Variants in BCOR observed in about 807,000 individuals in gnomAD.
BCOR encodes BCL6 corepressor, also known as BCL-6 corepressor.
A neutral mutation model predicts 86.7 loss-of-function variants in BCOR; 10 were observed. That is an observed-to-expected ratio of 0.12 (90% confidence interval 0.07 to 0.20). BCOR has a LOEUF of 0.20. Ranked by LOEUF, BCOR falls within the 10% of genes least tolerant of loss-of-function variation. BCOR has a pLI of 1.00. For missense variants in BCOR, 1,259 were observed against 1,452.1 expected, an observed-to-expected ratio of 0.87 and a Z score of 2.16; for synonymous variants, 611 against 609.0, an observed-to-expected ratio of 1.00 and a Z score of -0.05.
chrX:40,135,898 T>C (rs1050288734), intron 1 of BCOR, among the ~76,000 whole-genome samples: 8 of 112,254 alleles, frequency 7.1e-5, no homozygotes, highest in African/African-American at 2.6e-4. Flanking sequence ...TATATGTGTT[T>C]GTATATATAA....
chrX:40,141,309 G>A (rs947560535), intron 1 of BCOR, among the ~76,000 whole-genome samples: 1 of 112,771 alleles, frequency 8.9e-6, no homozygotes, highest in Admixed American at 9.3e-5. Context: ...AGCGCTCCTT[G>A]GCCTCTTTGT....
rs759584655 is a variant in BCOR, at chrX:40,074,053, G to C, written c.1293C>G (p.Thr431=). 5.8e-6 allele frequency: 7 copies of C among 1,210,631 alleles called. No individual in the cohort carries two copies. In the Admixed American group the frequency reaches 1.5e-4, roughly 26 times the overall value. ...GSSPPLLEKQ[T]VTKDVTDKPL... ...GCTTATCTGTGACGTCTTTGGTAAC[G>C]GTCTGCTTCTCCAACAGAGGAGGTG... Residue 431 remains threonine (T), a synonymous_variant, in exon 4 of 15, where the codon ACC becomes ACG. Coordinates refer to ENST00000378444, the MANE Select transcript of BCOR (RefSeq NM_001123385.2).
upstream of BCOR, among the ~76,000 whole-genome samples, chrX:40,101,965 C>T (rs1364627793): frequency 9.0e-6 from 1 of 111,711 alleles, no homozygotes; most frequent in Non-Finnish European, 1.9e-5. Context: ...TACAAGAACT[C>T]TGGGCTTATC....
intron 6 of BCOR, among the ~76,000 whole-genome samples, chrX:40,068,568 C>G (rs1299739797): frequency 8.9e-6 from 1 of 112,407 alleles, no homozygotes; most frequent in East Asian, 2.8e-4. Flanking sequence ...CCAAGGGAGA[C>G]AGACACCCAA....
intron 1 of BCOR, among the ~76,000 whole-genome samples, chrX:40,131,300 G>T (rs1381937234): frequency 8.9e-6 from 1 of 112,290 alleles, no homozygotes; most frequent in East Asian, 2.8e-4. Context: ...GAGCTGGTCA[G>T]AATGAGAAGG....
intron 1 of BCOR, among the ~76,000 whole-genome samples, chrX:40,105,647 C>T (rs1937164986): frequency 1.8e-5 from 2 of 113,075 alleles, no homozygotes. Context: ...TGCTCCCAGG[C>T]CCTGCAGCTG....
At chrX:40,156,469 C>T (rs1411639756) in intron 1 of BCOR, among the ~76,000 whole-genome samples, 2 of 112,896 alleles carry the variant, frequency 1.8e-5, no homozygotes, top group African/African-American at 3.2e-5. Context: ...TTCCCCTGCC[C>T]GCCTGCACCG....
chrX:40,059,651 T>C (rs1934769901), intron 10 of BCOR, among the ~76,000 whole-genome samples: 1 of 112,882 alleles, frequency 8.9e-6, no homozygotes, highest in Non-Finnish European at 1.9e-5. Flanking sequence ...GAAATGGGAG[T>C]GTTTGAAGGG....
At position 40,052,373 on chromosome X, in the gene BCOR, A is replaced by T. The variant is rs945759455; in HGVS notation, c.5004T>A (p.Asp1668Glu). ...QGPRNWLLLS[D>E]VLKKLKMSSR... ...AGGACATTTTCAATTTCTTAAGGAC[A>T]TCCGAAAGCAGTAGCCAGTTTCGTG... Residue 1668 changes from aspartate (D) to glutamate (E), a missense_variant, in exon 15 of 15, where the codon GAT becomes GAA. Asp to Glu is a conservative substitution (Grantham distance 45). Transcript: ENST00000378444. 2 of 1,210,609 alleles carry T rather than the reference A, an allele frequency of 1.7e-6. No homozygotes were observed. Among genetic ancestry groups the T allele is most frequent in the Admixed American group, 2.2e-5 (1 of 45,941 alleles).
chrX:40,140,672 C>T (rs1441861500), intron 1 of BCOR, among the ~76,000 whole-genome samples: 6 of 112,516 alleles, frequency 5.3e-5, no homozygotes, highest in Non-Finnish European at 1.1e-4. Context: ...CCAACAGCCA[C>T]AAGCACAGTG....
chrX:40,062,210 C>G lies in BCOR; in HGVS notation c.4357G>C (p.Ala1453Pro), dbSNP rs1934914718. Residue 1453 changes from alanine to proline, a missense_variant, in exon 10 of 15, where the codon GCA (alanine) becomes CCA (proline). Physicochemically the swap from Ala to Pro is conservative, Grantham distance 27. Transcript: ENST00000378444. ...TTCTTATTGACAATAAGTCTCCGTG[C>G]TTCCGGCGGCATAGGGCGAGACTGG... ...TTQSRPMPPE[A>P]RRLIVNKNAG... The G allele has an allele frequency of 8.3e-7, 1 of 1,208,066 alleles. No homozygotes were observed. The highest frequency in any genetic ancestry group is 2.2e-5 in the Admixed American group (1 of 45,626).
chrX:40,153,798 C>T (rs989137831), intron 1 of BCOR, among the ~76,000 whole-genome samples: 5 of 112,701 alleles, frequency 4.4e-5, no homozygotes, highest in Non-Finnish European at 7.5e-5. Context: ...CCCGCGCGGC[C>T]GGAGGCTCGG....
intron 1 of BCOR, among the ~76,000 whole-genome samples, chrX:40,088,996 CAA>C (rs1208041752): frequency 8.9e-6 from 1 of 111,771 alleles, no homozygotes; most frequent in Non-Finnish European, 1.9e-5. Flanking sequence ...AGGCAGAATG[CAA>C]ACTACGGTAA....
At chrX:40,096,205 C>A (rs1936859186) in intron 1 of BCOR, among the ~76,000 whole-genome samples, 1 of 112,270 alleles carries the variant, frequency 8.9e-6, no homozygotes, top group African/African-American at 3.2e-5. Flanking sequence ...GACCAACTTC[C>A]TCCGGCCGCA....
At position 40,062,299 on chromosome X, in the gene BCOR, T is replaced by C. The variant is rs1485916551; in HGVS notation, c.4268A>G (p.Gln1423Arg). The change falls in exon 10 of 15, where the codon CAG (glutamine) becomes CGG (arginine). Residue 1423 changes from glutamine to arginine, a missense_variant. Transcript: ENST00000378444. ...KQEPKPFDRL[Q>R]QLLPASQSTQ... ...GGACTGGGAGGCTGGTAGCAGTTGCTGCAAGCGGTCGAAGGGCTTTGGCTC... is the reference window on the plus strand; with the variant it reads ...GGACTGGGAGGCTGGTAGCAGTTGCCGCAAGCGGTCGAAGGGCTTTGGCTC... The C allele has an allele frequency of 3.3e-6, 4 of 1,208,176 alleles. No individual in the cohort carries two copies. The highest frequency in any genetic ancestry group is 1.1e-6 in the Non-Finnish European group (1 of 894,545).
chrX:40,077,033 C>G (rs963506369), intron 2 of BCOR: 5 of 259,337 alleles, frequency 1.9e-5, no homozygotes, highest in African/African-American at 1.4e-4. Context: ...GGGACCATGT[C>G]CTACGAAACT....
chrX:40,158,296 T>A, intron 1 of BCOR, among the ~76,000 whole-genome samples: 1 of 112,106 alleles, frequency 8.9e-6, no homozygotes, highest in Middle Eastern at 4.7e-3. Context: ...CTGTCGCCGC[T>A]TCTCCCCCGG....
At chrX:40,129,704 C>G (rs1169884523) in intron 1 of BCOR, among the ~76,000 whole-genome samples, 1 of 99,942 alleles carries the variant, frequency 1.0e-5, no homozygotes, top group East Asian at 2.9e-4. Flanking sequence ...AGCTGTTTCA[C>G]TGTCCTTTCC....
chrX:40,164,947 C>T (rs1205806716), intron 1 of BCOR, among the ~76,000 whole-genome samples: 1 of 111,956 alleles, frequency 8.9e-6, no homozygotes, highest in Non-Finnish European at 1.9e-5. Flanking sequence ...CTTCTCTGAG[C>T]CAGGCACTCA....
Sources: allele counts gnomAD v4.1 joint callset (sites outside exome capture counted in the v4.1 genomes callset), GRCh38; gene constraint gnomAD v4.1.1; transcripts MANE v1.5; gene names NCBI Gene and HGNC (gene_info 2026-07-23, HGNC 2026-07-21).